Variants in NETO1 observed in about 807,000 individuals in gnomAD.
The protein encoded by NETO1 is neuropilin and tolloid like 1.
NETO1 carries 26 observed loss-of-function variants against 61.3 expected under a neutral mutation model. The ratio of observed to expected loss-of-function variants is 0.42; its 90% CI spans 0.31 to 0.59. The LOEUF (loss-of-function observed/expected upper bound fraction) is 0.59, where lower values mean the gene tolerates loss of function less well. Among genes scored for constraint, NETO1 ranks in the 20% least tolerant of loss-of-function variants. The pLI, the probability that NETO1 is intolerant of heterozygous loss-of-function variation, is 0.12. For synonymous variants in NETO1, 225 were observed against 225.8 expected (o/e 1.00, Z 0.03); for missense variants, 531 against 662.8 (o/e 0.80, Z 2.18).
rs907994664 is a variant in NETO1, at chr18:72,744,448, A to G, written c.*3731T>C. The G allele has an allele frequency of 1.3e-5, 2 of 152,118 alleles. No individual in the cohort carries two copies. The highest frequency in any genetic ancestry group is 1.9e-4 in the East Asian group (1 of 5,180). The allele number at this position is 152,118 out of a possible 1,614,324, so 9.4% of individuals were successfully genotyped here. On this transcript the variant is annotated 3_prime_UTR_variant, in exon 11 of 11. Coordinates refer to ENST00000327305, the MANE Select transcript of NETO1 (RefSeq NM_138966.5). ...GGAAATATTAATTAAGTGCATAGAG[A>G]TTGATAATTAACTCAAGACCTGTTT...
chr18:72,754,804 G>A (rs1170380303), intron 8 of NETO1, among the ~76,000 whole-genome samples: 1 of 152,124 alleles, frequency 6.6e-6, no homozygotes, highest in Admixed American at 6.6e-5. Context: ...CTTGAACAAT[G>A]CTTTATAGCT....
At chr18:72,865,370 C>T (rs901733467) in intron 1 of NETO1, 129 bp from the exon 2 acceptor site, 19 of 1,123,372 alleles carry the variant, frequency 1.7e-5, no homozygotes, top group Non-Finnish European at 2.2e-5. Context: ...TGTTAGAAGT[C>T]GATTCAGAAC....
chr18:72,807,256 A>G lies in NETO1; in HGVS notation c.470-12852T>C, dbSNP rs559190789. Reference sequence around the variant, plus strand: ...TACCTAATGGTTTTCATGTGGGCACAGAGTATATATAACCTGACTTTCTTT... The same window carrying G: ...TACCTAATGGTTTTCATGTGGGCACGGAGTATATATAACCTGACTTTCTTT... On this transcript the variant is annotated intron_variant, in intron 4 of 10. Transcript: ENST00000327305. Among the ~76,000 whole-genome samples, 9 of 152,342 alleles carry G rather than the reference A, an allele frequency of 5.9e-5. No homozygotes were observed. The South Asian group carries it at 1.2e-3, about 21-fold the overall frequency.
chr18:72,815,071 C>G (rs1404899604), intron 4 of NETO1, among the ~76,000 whole-genome samples: 2 of 152,060 alleles, frequency 1.3e-5, no homozygotes, highest in Admixed American at 6.6e-5. Context: ...GGCAAAAATG[C>G]TCAACTATTT....
chr18:72,792,723 A>C (rs969780314), intron 6 of NETO1, among the ~76,000 whole-genome samples: 2 of 151,992 alleles, frequency 1.3e-5, no homozygotes, highest in Admixed American at 6.6e-5. Flanking sequence ...CTCCGGGTGA[A>C]GGCTGAGTTC....
intron 6 of NETO1, among the ~76,000 whole-genome samples, chr18:72,793,662 T>C (rs917999843): frequency 6.6e-6 from 1 of 152,162 alleles, no homozygotes; most frequent in Non-Finnish European, 1.5e-5. Flanking sequence ...CCAGGCCCTG[T>C]TACCATTGCT....
chr18:72,785,718 A>G (rs985547602), intron 6 of NETO1, among the ~76,000 whole-genome samples: 1 of 152,212 alleles, frequency 6.6e-6, no homozygotes, highest in Non-Finnish European at 1.5e-5. Context: ...AACATCAACT[A>G]GCAAATTTAC....
At chr18:72,755,201 T>C (rs2070745567) in intron 8 of NETO1, among the ~76,000 whole-genome samples, 1 of 152,156 alleles carries the variant, frequency 6.6e-6, no homozygotes, top group Non-Finnish European at 1.5e-5. Context: ...AAATTTCTAA[T>C]CCATTCAAAA....
At chr18:72,846,984 G>A (rs1284861885) in intron 4 of NETO1, among the ~76,000 whole-genome samples, 1 of 152,264 alleles carries the variant, frequency 6.6e-6, no homozygotes, top group African/African-American at 2.4e-5. Flanking sequence ...AAGCAAAACG[G>A]AAGTTGGAGA....
chr18:72,810,009 T>C lies in NETO1; in HGVS notation c.470-15605A>G, dbSNP rs150782554. ...GTAAAACCAAGCTAATCTAAATATG[T>C]ATGAAACTTTTTCTAAAAAAATAAA... On this transcript the variant is annotated intron_variant, in intron 4 of 10. Transcript: ENST00000327305. 3.1e-3 allele frequency among the ~76,000 whole-genome samples: 466 copies of C among 152,318 alleles called. 3 individuals carry two copies. Among genetic ancestry groups the C allele is most frequent in the African/African-American group, 0.011 (440 of 41,568 alleles).
chr18:72,767,285 A>G (rs1003174424), intron 7 of NETO1, among the ~76,000 whole-genome samples: 2 of 152,218 alleles, frequency 1.3e-5, no homozygotes, highest in African/African-American at 4.8e-5. Flanking sequence ...AGGGGCAGAC[A>G]TAAACCACAA....
At chr18:72,792,351 G>A (rs1365429331) in intron 6 of NETO1, among the ~76,000 whole-genome samples, 1 of 151,992 alleles carries the variant, frequency 6.6e-6, no homozygotes, top group Non-Finnish European at 1.5e-5. Context: ...GGTGGGAGGT[G>A]GAGGTTGCAG....
intron 9 of NETO1, 30 bp downstream of exon 9, chr18:72,750,032 G>GTTGTCATCA: frequency 6.8e-7 from 1 of 1,481,110 alleles, no homozygotes; most frequent in South Asian, 1.4e-5. Flanking sequence ...TCAGGTTATA[G>GTTGTCATCA]TTGTCATCAA....
intron 6 of NETO1, among the ~76,000 whole-genome samples, chr18:72,786,449 T>G (rs769780177): frequency 2.0e-5 from 3 of 152,240 alleles, no homozygotes; most frequent in Non-Finnish European, 4.4e-5. Context: ...TAGTATGCTT[T>G]GCAAGGTAGG....
chr18:72,846,509 A>T (rs2074091714), intron 4 of NETO1, among the ~76,000 whole-genome samples: 1 of 142,900 alleles, frequency 7.0e-6, no homozygotes, highest in Non-Finnish European at 1.5e-5. Context: ...CATCTCAAAA[A>T]AAAAAAAAAA....
intron 4 of NETO1, among the ~76,000 whole-genome samples, chr18:72,832,596 G>A (rs1324072213): frequency 6.6e-6 from 1 of 152,128 alleles, no homozygotes; most frequent in African/African-American, 2.4e-5. Context: ...GTAACATCTG[G>A]TAGTTGATGT....
Position 72,831,374 on chromosome 18 carries a change from C to T in NETO1, c.469+27452G>A, listed in dbSNP as rs1367642301. ...TGTCAGATAAAAGACACTGGGTTAA[C>T]TCCACTTCCATATCTCAAAGGTACC... On this transcript the variant is annotated intron_variant, in intron 4 of 10. Transcript: ENST00000327305. Among the ~76,000 whole-genome samples the T allele has an allele frequency of 6.6e-5, 10 of 152,196 alleles. 1 individual carries two copies. The highest frequency in any genetic ancestry group is 1.5e-4 in the Non-Finnish European group (10 of 68,036).
Position 72,867,934 on chromosome 18 carries a change from A to C in NETO1, c.-643T>G, listed in dbSNP as rs1181801376. On this transcript the variant is annotated 5_prime_UTR_variant, in exon 1 of 11. Coordinates refer to ENST00000327305, the MANE Select transcript of NETO1 (RefSeq NM_138966.5). ...TTCCGCTGAGGCATTGAAGGCAGGA[A>C]GAAGGGGTCCGTCATCGGCTCGCCG... The C allele has an allele frequency of 1.3e-5, 2 of 151,430 alleles. No individual in the cohort carries two copies. Among genetic ancestry groups the C allele is most frequent in the Non-Finnish European group, 3.0e-5 (2 of 67,734 alleles). 9.4% of individuals were successfully genotyped at this position (151,430 alleles called of 1,614,324 possible).
chr18:72,867,229 C>A (rs369686404), intron 1 of NETO1, 35 bp downstream of exon 1: 2 of 1,516,722 alleles, frequency 1.3e-6, no homozygotes, highest in African/African-American at 2.8e-5. Flanking sequence ...GGGCTGGCTC[C>A]GGGAGCGCAC....
Sources: allele counts gnomAD v4.1 joint callset (sites outside exome capture counted in the v4.1 genomes callset), GRCh38; gene constraint gnomAD v4.1.1; transcripts MANE v1.5; gene names NCBI Gene and HGNC (gene_info 2026-07-23, HGNC 2026-07-21).